The following WNT8B variants were observed in gnomAD, a reference collection of about 807,000 sequenced individuals.
WNT8B encodes the protein Wnt family member 8B, also known as protein Wnt-8b.
Under a neutral mutation model 36.6 loss-of-function variants are expected in WNT8B, and 24 were observed. That is an observed-to-expected ratio of 0.66 (90% CI 0.48 to 0.92). The LOEUF (loss-of-function observed/expected upper bound fraction) is 0.92, where lower values mean the gene tolerates loss of function less well. Among genes scored for constraint, WNT8B ranks in the 40% least tolerant of loss-of-function variants. The pLI, the probability that WNT8B is intolerant of heterozygous loss-of-function variation, is 0.00. For synonymous variants in WNT8B, 199 were observed against 189.8 expected, an observed-to-expected ratio of 1.05 and a Z score of -0.40; for missense variants, 402 against 470.8, an observed-to-expected ratio of 0.85 and a Z score of 1.35.
intron 1 of WNT8B, among the ~76,000 whole-genome samples, chr10:100,463,580 T>TCTA (rs1850881281): frequency 6.6e-6 from 1 of 152,176 alleles, no homozygotes; most frequent in Non-Finnish European, 1.5e-5. Context: ...CAAAGCAAGT[T>TCTA]CTACCGTGTG....
At chr10:100,481,252 G>A (rs1195338232) in intron 4 of WNT8B, 129 bp downstream of exon 4, 3 of 1,313,584 alleles carry the variant, frequency 2.3e-6, no homozygotes, top group Non-Finnish European at 3.0e-6. Flanking sequence ...ATGGGTGAAC[G>A]AGTTTGATCC....
In WNT8B at chr10:100,483,005, GCT is replaced by G. The variant is rs1851139788; in HGVS notation, c.*192_*193del. 2 of 634,302 alleles carry G rather than the reference GCT, an allele frequency of 3.2e-6. No individual in the cohort carries two copies. The highest frequency in any genetic ancestry group is 2.5e-6 in the Non-Finnish European group (1 of 398,286). The allele number at this position is 634,302 out of a possible 1,614,324, so 39.3% of individuals were successfully genotyped here. A position where few individuals can be genotyped will look rare whatever the true frequency, so the allele number is the denominator to read the frequency against. On this transcript the variant is annotated 3_prime_UTR_variant, in exon 6 of 6. Transcript: ENST00000343737. ...CCCAATTCCTCTGTGCTCTCCTAGA[GCT>G]CTGTCTGAATCCTCGCAGCCACACC... is the stretch of plus-strand genomic sequence containing the variant.
chr10:100,476,087 C>T (rs55823830), intron 1 of WNT8B, among the ~76,000 whole-genome samples: 4,265 of 150,782 alleles, frequency 0.028, 129 homozygotes, highest in Non-Finnish European at 0.04. Context: ...GTCAGGAGAT[C>T]GAGACCATCC....
chr10:100,463,083 A>G lies in WNT8B; in HGVS notation c.-86A>G. The G allele has an allele frequency of 1.6e-6, 2 of 1,271,792 alleles. No homozygotes were observed. The highest frequency in any genetic ancestry group is 2.6e-5 in the South Asian group (2 of 78,346). The allele number at this position is 1,271,792 out of a possible 1,614,324, so 78.8% of individuals were successfully genotyped here. A position where few individuals can be genotyped will look rare whatever the true frequency, so the allele number is the denominator to read the frequency against. ...AGTTGGGCTTTGAGAATTCCATCCC[A>G]CTGGCACTGAGGAGAATATTTCTCC... On this transcript the variant is annotated 5_prime_UTR_variant, in exon 1 of 6. Coordinates refer to ENST00000343737, the MANE Select transcript of WNT8B (RefSeq NM_003393.4).
intron 1 of WNT8B, among the ~76,000 whole-genome samples, chr10:100,471,205 C>A (rs1850973454): frequency 6.6e-6 from 1 of 152,230 alleles, no homozygotes; most frequent in South Asian, 2.1e-4. Context: ...TAAGTACATT[C>A]TATGATGTTT....
chr10:100,478,701 C>T (rs535776504), intron 1 of WNT8B, among the ~76,000 whole-genome samples: 1 of 152,042 alleles, frequency 6.6e-6, no homozygotes, highest in Non-Finnish European at 1.5e-5. Context: ...CATGCCTCAG[C>T]CTCCTGAGTA....
Position 100,482,549 on chromosome 10 carries a change from G to C in WNT8B, c.789G>C (p.Gly263=). The part of the protein sequence containing the change: ...PDYCLENKTL[G]LLGTEGRECL... ...ACTGCCTGGAGAACAAAACGCTAGG[G>C]CTGCTGGGCACCGAAGGCCGAGAGT... Residue 263 remains glycine, a synonymous_variant, in exon 6 of 6, where the codon GGG becomes GGC. Coordinates refer to ENST00000343737, the MANE Select transcript of WNT8B (RefSeq NM_003393.4). The surrounding 1 kb of genome is among the most constrained non-coding windows in gnomAD (Gnocchi z 6.6). 6.3e-7 allele frequency: 1 copy of C among 1,599,256 alleles called. No homozygotes were observed. The highest frequency in any genetic ancestry group is 8.5e-7 in the Non-Finnish European group (1 of 1,179,040).
At position 100,482,284 on chromosome 10, in the gene WNT8B, C is replaced by G. The variant is rs754640128; in HGVS notation, c.524C>G (p.Thr175Ser). The change falls in exon 6 of 6, where the codon ACC becomes AGC. Residue 175 changes from threonine (T) to serine (S), a missense_variant. Physicochemically the swap from Thr to Ser is moderately conservative, Grantham distance 58. Coordinates refer to ENST00000343737, the MANE Select transcript of WNT8B (RefSeq NM_003393.4). The surrounding 1 kb of genome is among the most constrained non-coding windows in gnomAD (Gnocchi z 6.6). ...NEAGRKAVKG[T>S]MKRTCKCHGV... Reference sequence around the variant, plus strand: ...CTCTCTCCCCAGGCGGTGAAGGGCACCATGAAACGCACGTGCAAGTGCCAC... The same window carrying G: ...CTCTCTCCCCAGGCGGTGAAGGGCAGCATGAAACGCACGTGCAAGTGCCAC... The G allele has an allele frequency of 1.3e-6, 2 of 1,588,408 alleles. No homozygotes were observed. The highest frequency in any genetic ancestry group is 1.1e-5 in the South Asian group (1 of 89,758).
At chr10:100,479,157 G>A in intron 2 of WNT8B, 72 bp downstream of exon 2, 1 of 1,380,840 alleles carries the variant, frequency 7.2e-7, no homozygotes, top group Non-Finnish European at 9.9e-7. Flanking sequence ...GATAAATGCA[G>A]ATTTTTCATT....
chr10:100,472,326 C>T (rs1426458525), intron 1 of WNT8B, among the ~76,000 whole-genome samples: 2 of 151,722 alleles, frequency 1.3e-5, no homozygotes, highest in East Asian at 2.0e-4. Context: ...TCTCGATCTC[C>T]TGACCTCATG....
intron 4 of WNT8B, among the ~76,000 whole-genome samples, 158 bp from the exon 5 acceptor site, chr10:100,481,754 C>A (rs1851115080): frequency 6.6e-6 from 1 of 152,194 alleles, no homozygotes; most frequent in Non-Finnish European, 1.5e-5. Context: ...GTGGCAAAAA[C>A]AAATCTAGAC....
rs1851077049 is a variant in WNT8B at position 100,479,089 on chromosome 10, A to G, written c.102+4A>G. ...TTTCCTGATGACTGGTCCAAAGGTAAGAACAAATTCCATTAATTGATATGG... is the reference window on the plus strand; with the variant it reads ...TTTCCTGATGACTGGTCCAAAGGTAGGAACAAATTCCATTAATTGATATGG... On this transcript the variant is annotated splice_donor_region_variant and intron_variant, in intron 2 of 5. Transcript: ENST00000343737. 1.3e-6 allele frequency: 2 copies of G among 1,598,848 alleles called. No homozygotes were observed. The highest frequency in any genetic ancestry group is 4.5e-5 in the East Asian group (2 of 44,760).
chr10:100,482,093 T>TGC lies in WNT8B; in HGVS notation c.510+39_510+40insGC. The TGC allele has an allele frequency of 6.2e-7, 1 of 1,612,402 alleles. No individual in the cohort carries two copies. Among genetic ancestry groups the TGC allele is most frequent in the Non-Finnish European group, 8.5e-7 (1 of 1,178,782 alleles). On this transcript the variant is annotated intron_variant, in intron 5 of 5. Transcript: ENST00000343737. This position sits in a 1 kb window ranked among gnomAD's most constrained non-coding sequence, Gnocchi z 6.6. ...CCCTTGGAAATAGGCAGCTGCTGGCTATATCCACTACCAGCTCCAGGTGCG... is the reference window on the plus strand; with the variant it reads ...CCCTTGGAAATAGGCAGCTGCTGGCTGCATATCCACTACCAGCTCCAGGTGCG...
chr10:100,481,094 G>T lies in WNT8B; in HGVS notation c.338G>T (p.Gly113Val), dbSNP rs1242821706. ...AGCCTTGGAGATTTTGATAACTGTG[G>T]CTGTGATGACTCCCGCAACGGGCAA... is the stretch of plus-strand genomic sequence containing the variant. ...NCSLGDFDNCGCDDSRNGQLG... is the reference protein window; with the variant it reads ...NCSLGDFDNCVCDDSRNGQLG... Residue 113 changes from glycine (G) to valine (V), a missense_variant, in exon 4 of 6, where the codon GGC becomes GTC. Physicochemically the swap from Gly to Val is moderately radical, Grantham distance 109 (BLOSUM62 -3). This residue lies in a region of WNT8B where 131 missense variants were observed against 152.6 expected (regional missense o/e 0.86). Transcript: ENST00000343737. 6.2e-7 allele frequency: 1 copy of T among 1,613,938 alleles called. No individual in the cohort carries two copies. Among genetic ancestry groups the T allele is most frequent in the Non-Finnish European group, 8.5e-7 (1 of 1,180,016 alleles).
rs1378186088 is a variant in WNT8B, at chr10:100,483,351, G to A, written c.*535G>A. On this transcript the variant is annotated 3_prime_UTR_variant, in exon 6 of 6. Transcript: ENST00000343737. Reference sequence around the variant, plus strand: ...CCTTTCCTTTCCCAGAAAAACTGAGGAAACTGGCCCCGGAAAAGCATGTCT... The same window carrying A: ...CCTTTCCTTTCCCAGAAAAACTGAGAAAACTGGCCCCGGAAAAGCATGTCT... 3 of 152,416 alleles carry A rather than the reference G, an allele frequency of 2.0e-5. No homozygotes were observed. The highest frequency in any genetic ancestry group is 4.4e-5 in the Non-Finnish European group (3 of 68,216). 9.4% of individuals were successfully genotyped at this position (152,416 alleles called of 1,614,324 possible). A position where few individuals can be genotyped will look rare whatever the true frequency, so the allele number is the denominator to read the frequency against.
chr10:100,479,392 G>A (rs1477271719), intron 2 of WNT8B, among the ~76,000 whole-genome samples: 1 of 152,098 alleles, frequency 6.6e-6, no homozygotes, highest in African/African-American at 2.4e-5. Context: ...CCCCGTGGTG[G>A]GATGCAGTTT....
In WNT8B at chr10:100,483,125, G is replaced by A. The variant is rs1411422583; in HGVS notation, c.*309G>A. 8.9e-6 allele frequency: 3 copies of A among 335,354 alleles called. No homozygotes were observed. The highest frequency in any genetic ancestry group is 7.8e-4 in the Middle Eastern group (1 of 1,274). The allele number at this position is 335,354 out of a possible 1,614,324, so 20.8% of individuals were successfully genotyped here. ...CCCTCTCCTAGCAGCCCTAATGTCTGACCTAGCCTATCAAGCCTTAGGCGC... is the reference window on the plus strand; with the variant it reads ...CCCTCTCCTAGCAGCCCTAATGTCTAACCTAGCCTATCAAGCCTTAGGCGC... On this transcript the variant is annotated 3_prime_UTR_variant, in exon 6 of 6. Coordinates refer to ENST00000343737, the MANE Select transcript of WNT8B (RefSeq NM_003393.4).
At chr10:100,473,521 A>AT (rs1443276673) in intron 1 of WNT8B, among the ~76,000 whole-genome samples, 1 of 152,254 alleles carries the variant, frequency 6.6e-6, no homozygotes, top group Non-Finnish European at 1.5e-5. Context: ...AGATAGAATC[A>AT]TATCATTTAT....
Position 100,469,363 on chromosome 10 carries a change from C to T in WNT8B, c.68+6127C>T, listed in dbSNP as rs189544996. Among the ~76,000 whole-genome samples, 738 of 152,268 alleles carry T rather than the reference C, an allele frequency of 4.8e-3. 11 individuals carry two copies. The highest frequency in any genetic ancestry group is 0.017 in the African/African-American group (694 of 41,544). Reference sequence around the variant, plus strand: ...CCTCCACTGATACCAGCTTTGTTCCCTCTTGACATATTTTTAAGTAGGAGG... The same window carrying T: ...CCTCCACTGATACCAGCTTTGTTCCTTCTTGACATATTTTTAAGTAGGAGG... On this transcript the variant is annotated intron_variant, in intron 1 of 5. Transcript: ENST00000343737.
Sources: gnomAD v4.1 joint callset for allele counts (sites outside exome capture counted in the v4.1 genomes callset) on GRCh38, gnomAD v4.1.1 for gene constraint, gnomAD v4.1.1 regional missense constraint, Gnocchi (gnomAD v3.1) non-coding constraint, MANE v1.5 for transcripts, NCBI Gene and HGNC (gene_info 2026-07-23, HGNC 2026-07-21) for gene names.